The following GNG4 variants were observed in gnomAD, a reference collection of about 807,000 sequenced individuals.
GNG4 encodes guanine nucleotide-binding protein G(I)/G(S)/G(O) subunit gamma-4.
GNG4 carries 4 observed loss-of-function variants against 5.8 expected under a neutral mutation model. That is an observed-to-expected ratio of 0.69 (90% CI 0.34 to 1.57). The LOEUF (loss-of-function observed/expected upper bound fraction) is 1.57. Among genes scored for constraint, GNG4 ranks in the 40% most tolerant of loss-of-function variants. The pLI is 0.06. For synonymous variants in GNG4, 29 were observed against 32.9 expected (o/e 0.88, Z 0.41); for missense variants, 96 against 95.1 (o/e 1.01, Z -0.04).
chr1:235,643,416 GTGCACTAA>G (rs1657396207), intron 1 of GNG4, among the ~76,000 whole-genome samples: 1 of 152,174 alleles, frequency 6.6e-6, no homozygotes, highest in African/African-American at 2.4e-5. Flanking sequence ...CTCCCTGTCT[GTGCACTAA>G]TCCAGGGTAG....
At chr1:235,591,651 G>A (rs1297440460) in intron 2 of GNG4, among the ~76,000 whole-genome samples, 2 of 152,198 alleles carry the variant, frequency 1.3e-5, no homozygotes, top group Admixed American at 1.3e-4. Context: ...GAAGAAAAAT[G>A]GAAGTAGGAA....
intron 3 of GNG4, among the ~76,000 whole-genome samples, chr1:235,561,011 CCTTTT>C (rs894934947): frequency 2.0e-4 from 31 of 152,020 alleles, no homozygotes; most frequent in Non-Finnish European, 3.5e-4. Context: ...GAAATTTTGC[CCTTTT>C]CTTTTTTCTT....
At chr1:235,618,664 T>G (rs1688647897) in intron 1 of GNG4, among the ~76,000 whole-genome samples, 1 of 151,668 alleles carries the variant, frequency 6.6e-6, no homozygotes, top group Non-Finnish European at 1.5e-5. Flanking sequence ...CTTTTTGTTT[T>G]TTTTTTTTTG....
intron 3 of GNG4, among the ~76,000 whole-genome samples, chr1:235,577,361 A>G (rs999227487): frequency 6.6e-6 from 1 of 152,058 alleles, no homozygotes; most frequent in South Asian, 2.1e-4. Flanking sequence ...TCGTGTGCAC[A>G]TTCACCTGCT....
rs1209826387 is a variant in GNG4 at position 235,644,797 on chromosome 1, C to T, written c.-123+4865G>A. Among the ~76,000 whole-genome samples the T allele has an allele frequency of 6.6e-6, 1 of 152,170 alleles. No individual in the cohort carries two copies. Among genetic ancestry groups the T allele is most frequent in the African/African-American group, 2.4e-5 (1 of 41,436 alleles). ...TCCAGGGTCTGTGCAGGGCGGGTAC[C>T]CCAGAGCCGCAGGGCAGGGCAGATG... On this transcript the variant is annotated intron_variant, in intron 1 of 3. Coordinates refer to ENST00000391854, the MANE Select transcript of GNG4 (RefSeq NM_001098722.2). This position sits in a 1 kb window ranked among gnomAD's most constrained non-coding sequence, Gnocchi z 5.9.
chr1:235,562,215 T>C (rs769719718), intron 3 of GNG4, among the ~76,000 whole-genome samples: 4 of 152,246 alleles, frequency 2.6e-5, no homozygotes, highest in Non-Finnish European at 5.9e-5. Flanking sequence ...TGTAGTTTTA[T>C]AGTAAGTCTT....
At chr1:235,623,578 C>G (rs1296054828) in intron 1 of GNG4, among the ~76,000 whole-genome samples, 1 of 152,144 alleles carries the variant, frequency 6.6e-6, no homozygotes, top group Non-Finnish European at 1.5e-5. Flanking sequence ...TTGCTCCATC[C>G]TGGGCTCTCC....
At chr1:235,587,601 GGGCA>G (rs1687834924) in intron 2 of GNG4, among the ~76,000 whole-genome samples, 25 of 27,164 alleles carry the variant, frequency 9.2e-4, no homozygotes, top group South Asian at 6.3e-3. Flanking sequence ...GAGTGTGGGA[GGGCA>G]TGGGGTGGGG....
intron 3 of GNG4, among the ~76,000 whole-genome samples, chr1:235,576,734 G>A (rs1687493522): frequency 6.6e-6 from 1 of 152,160 alleles, no homozygotes. Context: ...GGGCCAAGTA[G>A]CAGGGGATTC....
intron 3 of GNG4, among the ~76,000 whole-genome samples, chr1:235,564,744 G>A (rs1030310392): frequency 2.0e-5 from 3 of 152,164 alleles, no homozygotes; most frequent in African/African-American, 7.2e-5. Flanking sequence ...GGAGTGCAGT[G>A]GCACAATCTC....
rs1007395454 is a variant in GNG4 at position 235,604,459 on chromosome 1, G to A, written c.-122-8948C>T. On this transcript the variant is annotated intron_variant, in intron 1 of 3. Coordinates refer to ENST00000391854, the MANE Select transcript of GNG4 (RefSeq NM_001098722.2). ...CCGGAGGCTGGAAGTCCAAAATCAA[G>A]GTGTTGGCAGGGTCACGCTCCCTCT... Among the ~76,000 whole-genome samples the A allele has an allele frequency of 1.6e-4, 24 of 152,190 alleles. 1 individual carries two copies. The highest frequency in any genetic ancestry group is 1.0e-4 in the Non-Finnish European group (7 of 68,024).
At position 235,548,089 on chromosome 1, in the gene GNG4, G is replaced by A. The variant is rs1686627317; in HGVS notation, c.*4020C>T. ...TGCTTATCCAGCCAACATGGGCATT[G>A]GGGTGCTTTCCTGTTCGGGGTTATT... On this transcript the variant is annotated 3_prime_UTR_variant, in exon 4 of 4. Coordinates refer to ENST00000391854, the MANE Select transcript of GNG4 (RefSeq NM_001098722.2). The A allele has an allele frequency of 6.6e-6, 1 of 152,190 alleles. No homozygotes were observed. Among genetic ancestry groups the A allele is most frequent in the African/African-American group, 2.4e-5 (1 of 41,444 alleles). 9.4% of individuals were successfully genotyped at this position (152,190 alleles called of 1,614,324 possible). A position where few individuals can be genotyped will look rare whatever the true frequency, so the allele number is the denominator to read the frequency against.
intron 3 of GNG4, among the ~76,000 whole-genome samples, chr1:235,574,435 A>T (rs888092958): frequency 6.6e-6 from 1 of 152,174 alleles, no homozygotes; most frequent in Non-Finnish European, 1.5e-5. Context: ...ATCATTTTCA[A>T]AACAAGCATT....
intron 2 of GNG4, among the ~76,000 whole-genome samples, chr1:235,594,970 AC>A (rs1476042095): frequency 6.6e-6 from 1 of 152,130 alleles, no homozygotes; most frequent in African/African-American, 2.4e-5. Context: ...GCCTGAAGGG[AC>A]CCAGCAGCTT....
chr1:235,613,335 G>C (rs530490720), intron 1 of GNG4, among the ~76,000 whole-genome samples: 1 of 152,274 alleles, frequency 6.6e-6, no homozygotes, highest in South Asian at 2.1e-4. Context: ...GCAGAATAAT[G>C]GCTTCCCAAA....
At chr1:235,556,657 T>G (rs969624180) in intron 3 of GNG4, among the ~76,000 whole-genome samples, 2 of 151,532 alleles carry the variant, frequency 1.3e-5, no homozygotes. Context: ...AGTGGTTTCG[T>G]GGAAGACAGT....
At chr1:235,597,517 C>T (rs10926189) in intron 1 of GNG4, among the ~76,000 whole-genome samples, 37,208 of 145,930 alleles carry the variant, frequency 0.25, 5,112 homozygotes, top group Non-Finnish European at 0.31. Context: ...GACTCATGAT[C>T]TTGTAAAGAG....
At chr1:235,618,318 G>T (rs1279116507) in intron 1 of GNG4, among the ~76,000 whole-genome samples, 1 of 152,144 alleles carries the variant, frequency 6.6e-6, no homozygotes, top group African/African-American at 2.4e-5. Context: ...GGAATCCTTC[G>T]TTGAACTGAA....
At chr1:235,552,353 C>T (rs940385658) in intron 3 of GNG4, 116 bp from the exon 4 acceptor site, 37 of 906,246 alleles carry the variant, frequency 4.1e-5, no homozygotes, top group African/African-American at 3.3e-4. Flanking sequence ...ATTGTGTGCA[C>T]GGCCTACAAC....
Sources: allele counts gnomAD v4.1 joint callset (sites outside exome capture counted in the v4.1 genomes callset), GRCh38; gene constraint gnomAD v4.1.1; non-coding constraint Gnocchi (gnomAD v3.1); transcripts MANE v1.5; gene names NCBI Gene and HGNC (gene_info 2026-07-23, HGNC 2026-07-21).